LRP1B: variants seen among roughly 807,000 people sequenced by gnomAD.
LRP1B encodes the protein LDL receptor related protein 1B, also known as low-density lipoprotein receptor-related protein 1B.
LRP1B carries 217 observed loss-of-function variants against 556.6 expected under a neutral mutation model. That is an observed-to-expected ratio of 0.39 (90% CI 0.35 to 0.44). LRP1B has a LOEUF of 0.44. Ranked by LOEUF, LRP1B falls within the 20% of genes least tolerant of loss-of-function variation. The pLI is 1.00. For synonymous variants in LRP1B, 2,047 were observed against 1,865.8 expected (o/e 1.10, Z -2.50); for missense variants, 5,053 against 5,620.8 (o/e 0.90, Z 3.23).
chr2:141,650,093 T>A (rs1425218842), intron 2 of LRP1B, among the ~76,000 whole-genome samples: 1 of 152,118 alleles, frequency 6.6e-6, no homozygotes, highest in Non-Finnish European at 1.5e-5. Flanking sequence ...GGCAGGAGAA[T>A]TGCCTGAATC....
At chr2:140,421,477 A>G (rs1685442024) in intron 66 of LRP1B, among the ~76,000 whole-genome samples, 1 of 152,144 alleles carries the variant, frequency 6.6e-6, no homozygotes, top group Non-Finnish European at 1.5e-5. Flanking sequence ...GACTCTAATT[A>G]TGTAATTTTC....
intron 27 of LRP1B, among the ~76,000 whole-genome samples, chr2:140,853,240 T>C (rs994622329): frequency 6.6e-6 from 1 of 152,154 alleles, no homozygotes; most frequent in Non-Finnish European, 1.5e-5. Flanking sequence ...GGAATATCCT[T>C]GTCTCTGAAG....
At chr2:140,376,853 A>G (rs949178507) in intron 68 of LRP1B, among the ~76,000 whole-genome samples, 4 of 152,150 alleles carry the variant, frequency 2.6e-5, no homozygotes, top group African/African-American at 9.7e-5. Context: ...TGTAAATACC[A>G]GAGACCTGTA....
chr2:140,356,562 T>C (rs1682231290), intron 74 of LRP1B, 86 bp from the exon 75 acceptor site: 2 of 894,940 alleles, frequency 2.2e-6, no homozygotes, highest in Admixed American at 4.7e-5. Context: ...TGAAATGGTA[T>C]TTATTATTCC....
At chr2:140,756,624 A>G (rs1254947233) in intron 35 of LRP1B, among the ~76,000 whole-genome samples, 1 of 152,170 alleles carries the variant, frequency 6.6e-6, no homozygotes, top group African/African-American at 2.4e-5. Context: ...GTAAATATCC[A>G]TATGCAAATC....
At chr2:140,363,271 G>C (rs1682603691) in intron 72 of LRP1B, among the ~76,000 whole-genome samples, 1 of 151,556 alleles carries the variant, frequency 6.6e-6, no homozygotes. Flanking sequence ...TGCTCACTGA[G>C]AGAAACGCAA....
At chr2:140,402,567 C>G (rs1411677014) in intron 66 of LRP1B, among the ~76,000 whole-genome samples, 1 of 152,144 alleles carries the variant, frequency 6.6e-6, no homozygotes, top group Non-Finnish European at 1.5e-5. Context: ...AAAAGAGGTG[C>G]CTGTCTGATC....
rs1430115569 is a variant in LRP1B, at chr2:141,463,598, T to A, written c.343+16798A>T. 3.8e-5 allele frequency among the ~76,000 whole-genome samples: 4 copies of A among 106,648 alleles called. No individual in the cohort carries two copies. The East Asian group carries it at 6.6e-4, about 18-fold the overall frequency. 70.0% of individuals were successfully genotyped at this position (106,648 alleles called of 152,430 possible). On this transcript the variant is annotated intron_variant, in intron 3 of 90. Coordinates refer to ENST00000389484, the MANE Select transcript of LRP1B (RefSeq NM_018557.3). ...TATATATAATTATATATAATATATA[T>A]TATATATTATATATAATTATGTATT...
chr2:140,443,924 T>A (rs1354114663), intron 65 of LRP1B, among the ~76,000 whole-genome samples: 3 of 152,210 alleles, frequency 2.0e-5, no homozygotes, highest in African/African-American at 7.2e-5. Context: ...ATGTATTTCA[T>A]GGAGAAAACA....
chr2:141,194,190 G>A (rs1681649358), intron 6 of LRP1B, among the ~76,000 whole-genome samples: 1 of 151,972 alleles, frequency 6.6e-6, no homozygotes, highest in African/African-American at 2.4e-5. Context: ...TGGTTCTCTT[G>A]TTAATGAGCT....
chr2:141,467,358 A>G (rs1682272319), intron 3 of LRP1B, among the ~76,000 whole-genome samples: 1 of 152,112 alleles, frequency 6.6e-6, no homozygotes, highest in Non-Finnish European at 1.5e-5. Context: ...AAGTTACAGG[A>G]GTATAGAATC....
intron 2 of LRP1B, among the ~76,000 whole-genome samples, chr2:141,525,821 A>C (rs993184442): frequency 6.6e-6 from 1 of 152,004 alleles, no homozygotes; most frequent in African/African-American, 2.4e-5. Context: ...CTGATAAACA[A>C]CTCAGGGTAT....
intron 43 of LRP1B, among the ~76,000 whole-genome samples, chr2:140,584,162 C>T (rs1681889718): frequency 6.6e-6 from 1 of 151,918 alleles, no homozygotes; most frequent in African/African-American, 2.4e-5. Context: ...TTACAAAAAA[C>T]ACATTATAAC....
At chr2:140,777,862 G>C (rs1235361304) in intron 32 of LRP1B, among the ~76,000 whole-genome samples, 1 of 151,848 alleles carries the variant, frequency 6.6e-6, no homozygotes, top group Non-Finnish European at 1.5e-5. Context: ...ATATGGTAGA[G>C]GCAACCTTCC....
Position 141,046,012 on chromosome 2 carries a change from G to A in LRP1B, c.1789+2974C>T, listed in dbSNP as rs115220700. ...ATTTGATTGCTGTTTTCACCCATGA[G>A]ATTCCTCAAAGCCAACAGTATATGC... On this transcript the variant is annotated intron_variant, in intron 11 of 90. Coordinates refer to ENST00000389484, the MANE Select transcript of LRP1B (RefSeq NM_018557.3). Among the ~76,000 whole-genome samples the A allele has an allele frequency of 6.8e-3, 1,033 of 152,106 alleles. 14 individuals are homozygous for A. The highest frequency in any genetic ancestry group is 0.023 in the African/African-American group (966 of 41,498).
In LRP1B at chr2:140,601,653, A is replaced by T. The variant is rs1191229688; in HGVS notation, c.6800-14T>A. 1.3e-6 allele frequency: 2 copies of T among 1,536,828 alleles called. No homozygotes were observed. The highest frequency in any genetic ancestry group is 2.7e-5 in the African/African-American group (2 of 72,998). On this transcript the variant is annotated splice_polypyrimidine_tract_variant and intron_variant, in intron 41 of 90. Coordinates refer to ENST00000389484, the MANE Select transcript of LRP1B (RefSeq NM_018557.3). ...CAGAACCCACATCTAGTGGGGGAAG[A>T]AAAAGAAAAAATATATACTTTTATT...
chr2:142,007,632 G>A (rs912475843), intron 1 of LRP1B, among the ~76,000 whole-genome samples: 2 of 152,172 alleles, frequency 1.3e-5, no homozygotes, highest in African/African-American at 4.8e-5. Flanking sequence ...CTTTCATGAA[G>A]GAAATGGTTC....
intron 2 of LRP1B, among the ~76,000 whole-genome samples, chr2:141,497,686 T>G (rs183202924): frequency 6.6e-6 from 1 of 152,068 alleles, no homozygotes; most frequent in East Asian, 1.9e-4. Flanking sequence ...GCTTAAAGAG[T>G]TGAATAGGTG....
chr2:141,558,895 A>C (rs1483312555), intron 2 of LRP1B, among the ~76,000 whole-genome samples: 1 of 151,756 alleles, frequency 6.6e-6, no homozygotes, highest in Non-Finnish European at 1.5e-5. Context: ...ATAAGGAATA[A>C]AAATATCAAG....
Sources: allele counts gnomAD v4.1 joint callset (sites outside exome capture counted in the v4.1 genomes callset), GRCh38; gene constraint gnomAD v4.1.1; transcripts MANE v1.5; gene names NCBI Gene and HGNC (gene_info 2026-07-23, HGNC 2026-07-21).